CCDC85A: variants seen among roughly 807,000 people sequenced by gnomAD.
CCDC85A encodes coiled-coil domain containing 85A.
Under a neutral mutation model 50.2 loss-of-function variants are expected in CCDC85A, and 38 were observed. That is an observed-to-expected ratio of 0.76 (90% CI 0.58 to 0.99). The LOEUF (loss-of-function observed/expected upper bound fraction) is 0.99. Among genes scored for constraint, CCDC85A ranks in the 50% least tolerant of loss-of-function variants. The probability of loss-of-function intolerance (pLI) is 0.00; values close to 1 mark genes in which losing one functional copy is unlikely to be tolerated. For missense variants in CCDC85A, 820 were observed against 742.0 expected (o/e 1.11, Z -1.22); for synonymous variants, 366 against 301.4 (o/e 1.21, Z -2.22).
intron 2 of CCDC85A, among the ~76,000 whole-genome samples, chr2:56,269,330 C>T (rs1670595215): frequency 1.6e-5 from 1 of 62,060 alleles, no homozygotes; most frequent in Non-Finnish European, 3.1e-5. Context: ...TACTCCTTGG[C>T]AAGGGTGTGT....
chr2:56,274,243 T>C (rs886404278), intron 2 of CCDC85A, among the ~76,000 whole-genome samples: 2 of 152,022 alleles, frequency 1.3e-5, no homozygotes, highest in African/African-American at 2.4e-5. Context: ...GTATTAGGGT[T>C]CTACAGAGAA....
intron 2 of CCDC85A, among the ~76,000 whole-genome samples, chr2:56,307,055 A>G (rs1410602611): frequency 6.6e-6 from 1 of 152,200 alleles, no homozygotes; most frequent in Admixed American, 6.6e-5. Flanking sequence ...TAAGCATTTT[A>G]TAAAAATTCA....
At chr2:56,262,250 T>C (rs781706018) in intron 2 of CCDC85A, among the ~76,000 whole-genome samples, 9 of 152,022 alleles carry the variant, frequency 5.9e-5, no homozygotes, top group Non-Finnish European at 1.2e-4. Flanking sequence ...GGAGGGGTAA[T>C]TATTCTGAAT....
intron 2 of CCDC85A, among the ~76,000 whole-genome samples, chr2:56,316,384 T>C (rs1027095753): frequency 6.6e-6 from 1 of 152,164 alleles, no homozygotes; most frequent in African/African-American, 2.4e-5. Context: ...TGTTCTGTTT[T>C]ATACTGGGTC....
At chr2:56,357,545 G>A (rs776812614) in intron 3 of CCDC85A, among the ~76,000 whole-genome samples, 51 of 150,342 alleles carry the variant, frequency 3.4e-4, no homozygotes, top group Non-Finnish European at 4.7e-4. Context: ...TTGTGTTAAT[G>A]TTTTTTGAAG....
At chr2:56,220,837 A>G (rs964002123) in intron 2 of CCDC85A, among the ~76,000 whole-genome samples, 3 of 151,998 alleles carry the variant, frequency 2.0e-5, no homozygotes, top group Non-Finnish European at 4.4e-5. Flanking sequence ...CCTCATTACC[A>G]AGAATAGCAC....
chr2:56,242,248 G>A (rs1023177130), intron 2 of CCDC85A, among the ~76,000 whole-genome samples: 1 of 152,120 alleles, frequency 6.6e-6, no homozygotes, highest in Non-Finnish European at 1.5e-5. Flanking sequence ...TTCAGATAGT[G>A]TATTAGGCCA....
At chr2:56,306,617 T>A (rs1248265309) in intron 2 of CCDC85A, among the ~76,000 whole-genome samples, 1 of 152,222 alleles carries the variant, frequency 6.6e-6, no homozygotes, top group African/African-American at 2.4e-5. Flanking sequence ...GAGTATAAAT[T>A]ATAAATGCTT....
intron 2 of CCDC85A, among the ~76,000 whole-genome samples, chr2:56,322,773 A>C (rs941320076): frequency 6.6e-6 from 1 of 152,088 alleles, no homozygotes; most frequent in Non-Finnish European, 1.5e-5. Context: ...ATACCATATG[A>C]CCCAGCCATC....
intron 2 of CCDC85A, among the ~76,000 whole-genome samples, chr2:56,335,189 C>A (rs1201676401): frequency 2.0e-5 from 3 of 152,022 alleles, no homozygotes; most frequent in Non-Finnish European, 4.4e-5. Context: ...AAGTAGGAGG[C>A]TGACCTTTGC....
intron 5 of CCDC85A, among the ~76,000 whole-genome samples, chr2:56,382,328 G>T (rs1676624777): frequency 6.6e-6 from 1 of 151,904 alleles, no homozygotes; most frequent in Admixed American, 6.6e-5. Context: ...TAGAACTTGG[G>T]ACCACAGAAG....
intron 2 of CCDC85A, among the ~76,000 whole-genome samples, chr2:56,301,958 A>T (rs894432211): frequency 1.1e-4 from 17 of 152,168 alleles, no homozygotes; most frequent in African/African-American, 3.4e-4. Context: ...AAGTGTAATT[A>T]AAAAAATCAT....
At chr2:56,341,242 GAC>G (rs1674353943) in intron 2 of CCDC85A, among the ~76,000 whole-genome samples, 2 of 152,152 alleles carry the variant, frequency 1.3e-5, no homozygotes, top group Admixed American at 1.3e-4. Flanking sequence ...ACACGCTTGA[GAC>G]CACTCGCCCA....
chr2:56,223,351 A>T (rs1177582356), intron 2 of CCDC85A, among the ~76,000 whole-genome samples: 3 of 152,176 alleles, frequency 2.0e-5, no homozygotes, highest in African/African-American at 7.2e-5. Context: ...ACAAGAGCAG[A>T]TATAGATAGT....
chr2:56,272,626 C>G (rs777460739), intron 2 of CCDC85A, among the ~76,000 whole-genome samples: 2 of 151,838 alleles, frequency 1.3e-5, no homozygotes, highest in Non-Finnish European at 2.9e-5. Flanking sequence ...AATTACAGAG[C>G]TGAAAACCAG....
intron 3 of CCDC85A, among the ~76,000 whole-genome samples, chr2:56,368,886 T>C (rs1032168091): frequency 6.6e-6 from 1 of 151,990 alleles, no homozygotes; most frequent in Admixed American, 6.6e-5. Flanking sequence ...TATATTTGTT[T>C]TCCATTTTTC....
At position 56,193,322 on chromosome 2, in the gene CCDC85A, C is replaced by T. The variant is rs762709570; in HGVS notation, c.1122C>T (p.His374=). 1.9e-6 allele frequency: 3 copies of T among 1,613,168 alleles called. No homozygotes were observed. Among genetic ancestry groups the T allele is most frequent in the Middle Eastern group, 1.6e-4 (1 of 6,062 alleles). The part of the protein sequence containing the change: ...QHYGGSPDHK[H]GGGSGGSGGS... ...ATGGAGGGAGCCCTGATCACAAACA[C>T]GGAGGAGGCAGTGGAGGAAGTGGAG... Residue 374 remains histidine (H), a synonymous_variant, in exon 2 of 6, where the codon CAC becomes CAT. Coordinates refer to ENST00000407595, the MANE Select transcript of CCDC85A (RefSeq NM_001080433.2).
At chr2:56,379,584 A>G (rs1264025364) in intron 5 of CCDC85A, among the ~76,000 whole-genome samples, 1 of 152,224 alleles carries the variant, frequency 6.6e-6, no homozygotes, top group African/African-American at 2.4e-5. Context: ...AATAGATTTC[A>G]GAACAATCAG....
chr2:56,251,014 C>CTGT (rs1420705489), intron 2 of CCDC85A, among the ~76,000 whole-genome samples: 1 of 151,922 alleles, frequency 6.6e-6, no homozygotes, highest in African/African-American at 2.4e-5. Flanking sequence ...TTTTGTGTGT[C>CTGT]TGTGTTTTCC....
Sources: gnomAD v4.1 joint callset for allele counts (sites outside exome capture counted in the v4.1 genomes callset) on GRCh38, gnomAD v4.1.1 for gene constraint, MANE v1.5 for transcripts, NCBI Gene and HGNC (gene_info 2026-07-23, HGNC 2026-07-21) for gene names.